The following SORCS3 variants were observed in gnomAD, a reference collection of about 807,000 sequenced individuals.
SORCS3 encodes sortilin related VPS10 domain containing receptor 3.
Under a neutral mutation model 146.3 loss-of-function variants are expected in SORCS3, and 57 were observed. The observed-to-expected ratio is 0.39, with a 90% confidence interval of 0.31 to 0.49. The LOEUF is 0.49. Among genes scored for constraint, SORCS3 ranks in the 20% least tolerant of loss-of-function variants. The pLI is 0.92. For synonymous variants in SORCS3, 653 were observed against 618.5 expected, an observed-to-expected ratio of 1.06 and a Z score of -0.83; for missense variants, 1,341 against 1,575.5, an observed-to-expected ratio of 0.85 and a Z score of 2.52.
At chr10:104,644,170 C>A (rs1054423899) in intron 1 of SORCS3, among the ~76,000 whole-genome samples, 14 of 152,212 alleles carry the variant, frequency 9.2e-5, no homozygotes, top group African/African-American at 3.4e-4. Context: ...TGAGATTGGA[C>A]AATGTATGAA....
rs959446914 is a variant in SORCS3 at position 104,641,634 on chromosome 10, G to A, written c.307G>A (p.Val103Met). ...CGGCGGCAGAGGCGGTGAGATGCAG[G>A]TGGAAGCCGGAGGGACATCACCGGC... is the stretch of plus-strand genomic sequence containing the variant. ...QGGGRGGEMQ[V>M]EAGGTSPAGE... is the part of the protein sequence containing the mutation. The change falls in exon 1 of 27, where the codon GTG becomes ATG. Residue 103 changes from valine (V) to methionine (M), a missense_variant. Physicochemically the swap from Val to Met is conservative, Grantham distance 21. Coordinates refer to ENST00000369701, the MANE Select transcript of SORCS3 (RefSeq NM_014978.3). This position sits in a 1 kb window ranked among gnomAD's most constrained non-coding sequence, Gnocchi z 6.4. 1.1e-4 allele frequency: 168 copies of A among 1,524,882 alleles called. No individual in the cohort carries two copies. The highest frequency in any genetic ancestry group is 1.4e-4 in the Non-Finnish European group (156 of 1,141,806). 94.5% of individuals were successfully genotyped at this position (1,524,882 alleles called of 1,614,324 possible). A position where few individuals can be genotyped will look rare whatever the true frequency, so the allele number is the denominator to read the frequency against.
chr10:104,752,188 C>A (rs903847490), intron 1 of SORCS3, among the ~76,000 whole-genome samples: 13 of 151,214 alleles, frequency 8.6e-5, no homozygotes, highest in Non-Finnish European at 1.8e-4. Context: ...GTGCCTGCCA[C>A]CATGCTGTCT....
intron 4 of SORCS3, among the ~76,000 whole-genome samples, chr10:105,008,113 GC>G (rs148258996): frequency 0.021 from 3,205 of 152,234 alleles, 103 homozygotes; most frequent in East Asian, 0.16. Flanking sequence ...ATTCTGGGAA[GC>G]TTTTTTGATC....
At chr10:104,688,285 C>G (rs1167374409) in intron 1 of SORCS3, among the ~76,000 whole-genome samples, 1 of 152,222 alleles carries the variant, frequency 6.6e-6, no homozygotes, top group Admixed American at 6.5e-5. Context: ...ATCCAGCAGC[C>G]TGGAGGCTGA....
chr10:105,245,271 C>A (rs2056859077), intron 20 of SORCS3, among the ~76,000 whole-genome samples: 1 of 151,946 alleles, frequency 6.6e-6, no homozygotes, highest in Admixed American at 6.6e-5. Flanking sequence ...TCTACTTTGC[C>A]CCAGGAGAAG....
chr10:104,955,745 C>T (rs2019482454), intron 3 of SORCS3, among the ~76,000 whole-genome samples: 1 of 152,144 alleles, frequency 6.6e-6, no homozygotes, highest in African/African-American at 2.4e-5. Flanking sequence ...GTCCAAGACT[C>T]CTGCAGGGAT....
rs537335103 is a variant in SORCS3 at position 105,048,213 on chromosome 10, T to A, written c.1028+5085T>A. On this transcript the variant is annotated intron_variant, in intron 5 of 26. Transcript: ENST00000369701. Reference sequence around the variant, plus strand: ...ATACCCAAAGGATTATAAATCATGCTGCTATAAAGACACATGCACATGTGT... The same window carrying A: ...ATACCCAAAGGATTATAAATCATGCAGCTATAAAGACACATGCACATGTGT... Among the ~76,000 whole-genome samples, 628 of 151,646 alleles carry A rather than the reference T, an allele frequency of 4.1e-3. 7 individuals are homozygous for A. Among genetic ancestry groups the A allele is most frequent in the African/African-American group, 0.014 (584 of 41,298 alleles).
At chr10:104,795,459 A>C (rs1268651888) in intron 1 of SORCS3, among the ~76,000 whole-genome samples, 1 of 152,224 alleles carries the variant, frequency 6.6e-6, no homozygotes, top group African/African-American at 2.4e-5. Flanking sequence ...ACTATACAAA[A>C]ATATTTTTTG....
At chr10:105,118,290 G>A (rs769980138) in intron 7 of SORCS3, among the ~76,000 whole-genome samples, 5 of 152,038 alleles carry the variant, frequency 3.3e-5, no homozygotes, top group African/African-American at 7.2e-5. Flanking sequence ...TCCTGCCCCC[G>A]CTGTGAAGAA....
chr10:104,706,854 C>G (rs1049834084), intron 1 of SORCS3, among the ~76,000 whole-genome samples: 1 of 152,120 alleles, frequency 6.6e-6, no homozygotes, highest in Non-Finnish European at 1.5e-5. Flanking sequence ...ACTTTTTCTT[C>G]TAAACGTGAG....
intron 1 of SORCS3, among the ~76,000 whole-genome samples, chr10:104,670,320 A>C (rs1457822522): frequency 6.6e-6 from 1 of 152,134 alleles, no homozygotes; most frequent in African/African-American, 2.4e-5. Context: ...TTTTCTTCTA[A>C]GAGCATTATG....
intron 4 of SORCS3, among the ~76,000 whole-genome samples, chr10:105,009,836 C>G (rs2055122481): frequency 6.6e-6 from 1 of 151,808 alleles, no homozygotes; most frequent in Non-Finnish European, 1.5e-5. Context: ...AGAAAACTTG[C>G]CATTCTTTTA....
At chr10:104,696,091 ATAATATATCATATACACATATT>A (rs1439299502) in intron 1 of SORCS3, among the ~76,000 whole-genome samples, 388 of 17,672 alleles carry the variant, frequency 0.022, 8 homozygotes, top group African/African-American at 0.054. Context: ...ATACACATAT[ATAATATATCATATACACATATT>A]ATATATAATA....
intron 1 of SORCS3, among the ~76,000 whole-genome samples, chr10:104,823,144 T>C (rs945118451): frequency 6.6e-6 from 1 of 152,110 alleles, no homozygotes; most frequent in African/African-American, 2.4e-5. Flanking sequence ...GCAGGGCCAA[T>C]AGGCAGATGA....
intron 2 of SORCS3, 150 bp from the exon 3 acceptor site, chr10:104,915,683 T>C: frequency 4.5e-6 from 3 of 666,342 alleles, no homozygotes; most frequent in South Asian, 3.7e-5. Flanking sequence ...ATTGCTCTTC[T>C]AAAATTAATG....
intron 2 of SORCS3, among the ~76,000 whole-genome samples, chr10:104,843,161 G>C (rs147118428): frequency 1.8e-4 from 27 of 152,148 alleles, no homozygotes; most frequent in African/African-American, 5.3e-4. Context: ...AAACATGCAC[G>C]AGTAGAGGTT....
intron 14 of SORCS3, among the ~76,000 whole-genome samples, chr10:105,197,191 T>C (rs771047526): frequency 6.6e-6 from 1 of 152,192 alleles, no homozygotes; most frequent in Non-Finnish European, 1.5e-5. Flanking sequence ...GTCACATTCA[T>C]AGCTCCAGGG....
Position 105,138,255 on chromosome 10 carries a change from T to C in SORCS3, c.1213-1142T>C, listed in dbSNP as rs1025049175. Reference sequence around the variant, plus strand: ...GACATCTGCTCTACCTGGCAGCGTGTGGTGCCTGCTTTGTGGGCTTCCGAT... The same window carrying C: ...GACATCTGCTCTACCTGGCAGCGTGCGGTGCCTGCTTTGTGGGCTTCCGAT... On this transcript the variant is annotated intron_variant, in intron 7 of 26. Coordinates refer to ENST00000369701, the MANE Select transcript of SORCS3 (RefSeq NM_014978.3). Among the ~76,000 whole-genome samples, 8 of 152,264 alleles carry C rather than the reference T, an allele frequency of 5.3e-5. No homozygotes were observed. In the East Asian group the frequency reaches 1.4e-3, roughly 26 times the overall value.
chr10:105,117,988 T>C (rs1229494110), intron 7 of SORCS3, among the ~76,000 whole-genome samples: 1 of 152,132 alleles, frequency 6.6e-6, no homozygotes, highest in Admixed American at 6.5e-5. Context: ...CCAACACAGA[T>C]GCCTCTTCCT....
Sources: gnomAD v4.1 joint callset for allele counts (sites outside exome capture counted in the v4.1 genomes callset) on GRCh38, gnomAD v4.1.1 for gene constraint, Gnocchi (gnomAD v3.1) non-coding constraint, MANE v1.5 for transcripts, NCBI Gene and HGNC (gene_info 2026-07-23, HGNC 2026-07-21) for gene names.